The following PLEKHA5 variants were observed in gnomAD, a reference collection of about 807,000 sequenced individuals.
PLEKHA5 encodes pleckstrin homology domain containing A5.
A neutral mutation model predicts 181.9 loss-of-function variants in PLEKHA5; 55 were observed. That is an observed-to-expected ratio of 0.30 (90% CI 0.24 to 0.38). PLEKHA5 has a LOEUF of 0.38. Ranked by LOEUF, PLEKHA5 falls within the 10% of genes least tolerant of loss-of-function variation. The pLI, the probability that PLEKHA5 is intolerant of heterozygous loss-of-function variation, is 1.00. For synonymous variants in PLEKHA5, 535 were observed against 529.4 expected (o/e 1.01, Z -0.15); for missense variants, 1,432 against 1,549.5 (o/e 0.92, Z 1.27).
intron 15 of PLEKHA5, 179 bp from the exon 16 acceptor site, chr12:19,314,635 G>A (rs951477650): frequency 3.8e-5 from 23 of 603,294 alleles, no homozygotes; most frequent in Middle Eastern, 4.4e-4. Context: ...ATTTCACAGC[G>A]TTTAATACTT....
chr12:19,176,178 C>G (rs987603425), intron 3 of PLEKHA5: 2 of 151,098 alleles, frequency 1.3e-5, no homozygotes, highest in African/African-American at 4.9e-5. Flanking sequence ...CAGACACTCT[C>G]TCTCTCTCTC....
At chr12:19,209,747 A>G (rs2056528914) in intron 3 of PLEKHA5, among the ~76,000 whole-genome samples, 1 of 152,244 alleles carries the variant, frequency 6.6e-6, no homozygotes, top group Non-Finnish European at 1.5e-5. Flanking sequence ...GGCCAAGACC[A>G]AAGATCACAG....
chr12:19,155,282 G>C (rs2041416284), intron 3 of PLEKHA5, among the ~76,000 whole-genome samples: 1 of 152,158 alleles, frequency 6.6e-6, no homozygotes, highest in Non-Finnish European at 1.5e-5. Context: ...TCCTAAACCT[G>C]TTTTGACCAT....
intron 26 of PLEKHA5, among the ~76,000 whole-genome samples, chr12:19,357,315 G>T (rs1463161214): frequency 7.0e-6 from 1 of 143,084 alleles, no homozygotes; most frequent in African/African-American, 2.6e-5. Context: ...CACAATCTCA[G>T]TTCACTACAA....
intron 18 of PLEKHA5, among the ~76,000 whole-genome samples, chr12:19,321,355 CTTT>C (rs1181594782): frequency 2.8e-5 from 2 of 70,338 alleles, no homozygotes; most frequent in Non-Finnish European, 7.0e-5. Flanking sequence ...CTTTTCTTTT[CTTT>C]TCTTTTTTTT....
chr12:19,293,831 T>G (rs2079083901), intron 15 of PLEKHA5, among the ~76,000 whole-genome samples: 2 of 152,168 alleles, frequency 1.3e-5, no homozygotes, highest in South Asian at 4.1e-4. Context: ...TCCCTTTACC[T>G]AAATGACCTA....
intron 3 of PLEKHA5, among the ~76,000 whole-genome samples, chr12:19,162,756 A>T (rs1329009894): frequency 6.6e-6 from 1 of 152,186 alleles, no homozygotes; most frequent in African/African-American, 2.4e-5. Context: ...CTGGCAGCTA[A>T]GTGCCCTGTC....
intron 1 of PLEKHA5, 69 bp downstream of exon 1, chr12:19,129,957 G>A (rs1449731163): frequency 9.5e-6 from 14 of 1,481,236 alleles, no homozygotes; most frequent in African/African-American, 4.3e-5. Flanking sequence ...CTGGCGACAC[G>A]GGGGAGAGCC....
intron 5 of PLEKHA5, among the ~76,000 whole-genome samples, chr12:19,257,156 C>T (rs2067093987): frequency 6.6e-6 from 1 of 152,012 alleles, no homozygotes; most frequent in African/African-American, 2.4e-5. Context: ...AAAATACTGC[C>T]ACATACTCTG....
At chr12:19,268,250 G>A (rs115347468) in intron 8 of PLEKHA5, among the ~76,000 whole-genome samples, 144 of 152,230 alleles carry the variant, frequency 9.5e-4, no homozygotes, top group African/African-American at 3.3e-3. Context: ...GTAGAGGTGC[G>A]TGATATTAGC....
At chr12:19,163,316 A>G (rs2151513855) in intron 3 of PLEKHA5, among the ~76,000 whole-genome samples, 1 of 152,056 alleles carries the variant, frequency 6.6e-6, no homozygotes, top group Admixed American at 6.5e-5. Context: ...AGCTGGGACT[A>G]CAGGCGCCAG....
At chr12:19,299,421 A>G (rs148085181) in intron 15 of PLEKHA5, among the ~76,000 whole-genome samples, 1 of 152,208 alleles carries the variant, frequency 6.6e-6, no homozygotes, top group Non-Finnish European at 1.5e-5. Flanking sequence ...AATCTTGGCA[A>G]TGCTTCTCCT....
intron 3 of PLEKHA5, among the ~76,000 whole-genome samples, chr12:19,169,153 T>A (rs907353395): frequency 6.6e-6 from 1 of 152,172 alleles, no homozygotes; most frequent in Admixed American, 6.5e-5. Context: ...GCAGCTTTAC[T>A]AATATTGTAG....
intron 21 of PLEKHA5, 119 bp downstream of exon 21, chr12:19,336,735 T>C: frequency 1.7e-6 from 1 of 600,616 alleles, no homozygotes; most frequent in South Asian, 1.8e-5. Context: ...ACCTGAGACC[T>C]GGATTTGAAT....
chr12:19,240,044 C>G (rs1231528825), intron 3 of PLEKHA5, among the ~76,000 whole-genome samples: 2 of 152,196 alleles, frequency 1.3e-5, no homozygotes, highest in East Asian at 3.8e-4. Flanking sequence ...CTTTTTGTAT[C>G]ATAGGAATAT....
At chr12:19,327,547 T>C (rs975879970) in intron 20 of PLEKHA5, among the ~76,000 whole-genome samples, 2 of 151,998 alleles carry the variant, frequency 1.3e-5, no homozygotes, top group Admixed American at 6.6e-5. Flanking sequence ...CTGTAGGCTG[T>C]TTACTCCATT....
intron 3 of PLEKHA5, among the ~76,000 whole-genome samples, chr12:19,161,917 A>G (rs2043057950): frequency 6.6e-6 from 1 of 152,212 alleles, no homozygotes; most frequent in Non-Finnish European, 1.5e-5. Context: ...AGGGGAAAGA[A>G]GTATAATCTT....
At chr12:19,203,251 T>A (rs2054601433) in intron 3 of PLEKHA5, among the ~76,000 whole-genome samples, 1 of 152,066 alleles carries the variant, frequency 6.6e-6, no homozygotes, top group Non-Finnish European at 1.5e-5. Context: ...AATTACCACC[T>A]CTTTACCTGT....
chr12:19,364,445 A>T (rs554139600), intron 29 of PLEKHA5, among the ~76,000 whole-genome samples: 94 of 152,000 alleles, frequency 6.2e-4, no homozygotes, highest in African/African-American at 2.1e-3. Flanking sequence ...AGGGAGGCGG[A>T]GGTCTCAGTG....
Sources: allele counts gnomAD v4.1 joint callset (sites outside exome capture counted in the v4.1 genomes callset), GRCh38; gene constraint gnomAD v4.1.1; transcripts MANE v1.5; gene names NCBI Gene and HGNC (gene_info 2026-07-23, HGNC 2026-07-21).